Variants in QPRT observed in about 807,000 individuals in gnomAD.
QPRT encodes the protein nicotinate-nucleotide pyrophosphorylase [carboxylating].
In QPRT, 17 loss-of-function variants were observed where a neutral mutation model predicts 19.8. The observed-to-expected ratio is 0.86, with a 90% confidence interval of 0.59 to 1.29. QPRT has a LOEUF of 1.29. Ranked by LOEUF, QPRT falls within the 50% of genes most tolerant of loss-of-function variation. The probability of loss-of-function intolerance (pLI) is 0.00; values close to 1 mark genes in which losing one functional copy is unlikely to be tolerated. For synonymous variants in QPRT, 178 were observed against 191.0 expected (o/e 0.93, Z 0.56); for missense variants, 336 against 405.1 (o/e 0.83, Z 1.46).
intron 1 of QPRT, among the ~76,000 whole-genome samples, chr16:29,686,092 T>C (rs1227732892): frequency 6.6e-6 from 1 of 152,100 alleles, no homozygotes; most frequent in African/African-American, 2.4e-5. Context: ...ACTCCTGACC[T>C]CAGGTGATCG....
At chr16:29,684,559 G>T (rs903083131) in intron 1 of QPRT, among the ~76,000 whole-genome samples, 1 of 152,104 alleles carries the variant, frequency 6.6e-6, no homozygotes. Context: ...GTTTTCACCA[G>T]GATGGTCTTG....
At chr16:29,694,576 A>C in intron 1 of QPRT, 88 bp from the exon 2 acceptor site, 1 of 1,282,912 alleles carries the variant, frequency 7.8e-7, no homozygotes, top group Non-Finnish European at 1.0e-6. Flanking sequence ...GCCAGTTCCC[A>C]GTTTCACTGG....
chr16:29,695,023 G>A lies in QPRT; in HGVS notation c.373G>A (p.Ala125Thr), dbSNP rs779987312. 9.3e-6 allele frequency: 15 copies of A among 1,604,406 alleles called. No individual in the cohort carries two copies. The highest frequency in any genetic ancestry group is 8.4e-5 in the Admixed American group (5 of 59,684). ...TGCTGCCGCCGCTGCAGTGGAGGCC[G>A]CCAGGGGGGCCGGCTGGACTGGGCA... Reference protein sequence around the residue: ...ASAAAAAVEAARGAGWTGHVA... With the variant: ...ASAAAAAVEATRGAGWTGHVA... The change falls in exon 2 of 4, where the codon GCC becomes ACC. Residue 125 changes from alanine (A) to threonine (T), a missense_variant. Ala to Thr is a moderately conservative substitution (Grantham distance 58). Coordinates refer to ENST00000395384, the MANE Select transcript of QPRT (RefSeq NM_014298.6).
At position 29,695,026 on chromosome 16, in the gene QPRT, A is replaced by G. The variant is rs1233318284; in HGVS notation, c.376A>G (p.Arg126Gly). ...SAAAAAVEAA[R>G]GAGWTGHVAG... ...TGCCGCCGCTGCAGTGGAGGCCGCC[A>G]GGGGGGCCGGCTGGACTGGGCACGT... The change falls in exon 2 of 4, where the codon AGG (arginine) becomes GGG (glycine). Residue 126 changes from arginine (R) to glycine (G), a missense_variant. Physicochemically the swap from Arg to Gly is moderately radical, Grantham distance 125. Transcript: ENST00000395384. The G allele has an allele frequency of 1.9e-6, 3 of 1,604,870 alleles. No homozygotes were observed. Among genetic ancestry groups the G allele is most frequent in the Non-Finnish European group, 2.5e-6 (3 of 1,179,140 alleles).
chr16:29,681,687 G>C (rs1390992049), intron 1 of QPRT, among the ~76,000 whole-genome samples: 2 of 149,358 alleles, frequency 1.3e-5, no homozygotes, highest in Non-Finnish European at 3.0e-5. Context: ...AGTAGAGATG[G>C]GGTGTCACCA....
rs373172572 is a variant in QPRT, at chr16:29,683,085, C to T, written c.13+3875C>T. On this transcript the variant is annotated intron_variant, in intron 1 of 3. Coordinates refer to ENST00000395384, the MANE Select transcript of QPRT (RefSeq NM_014298.6). ...TGTTGCCCAGGCTGGAGTGCAGTGG[C>T]GCAACCTCGGCTCACTGCAACCTCC... Among the ~76,000 whole-genome samples the T allele has an allele frequency of 2.0e-4, 30 of 148,848 alleles. No individual in the cohort carries two copies. In the East Asian group the frequency reaches 4.6e-3, roughly 23 times the overall value.
chr16:29,684,905 C>T (rs973119438), intron 1 of QPRT, among the ~76,000 whole-genome samples: 3 of 152,120 alleles, frequency 2.0e-5, no homozygotes, highest in African/African-American at 4.8e-5. Context: ...GGGGTGCCCG[C>T]GGCTGGCACG....
chr16:29,685,279 C>T (rs950491538), intron 1 of QPRT, among the ~76,000 whole-genome samples: 1 of 151,974 alleles, frequency 6.6e-6, no homozygotes, highest in Admixed American at 6.6e-5. Flanking sequence ...AAGAACCAGC[C>T]TGACCAACAT....
chr16:29,680,310 A>G (rs372115702), intron 1 of QPRT, among the ~76,000 whole-genome samples: 2 of 152,130 alleles, frequency 1.3e-5, no homozygotes, highest in Non-Finnish European at 2.9e-5. Flanking sequence ...GGGTTTTACA[A>G]GGAGCCAGGA....
intron 1 of QPRT, among the ~76,000 whole-genome samples, chr16:29,679,556 C>A (rs1596782525): frequency 1.3e-5 from 2 of 151,990 alleles, no homozygotes; most frequent in South Asian, 4.2e-4. Flanking sequence ...GACTTCTGCT[C>A]TCGCTGGTAG....
At chr16:29,685,765 C>T (rs1047417347) in intron 1 of QPRT, among the ~76,000 whole-genome samples, 4 of 151,948 alleles carry the variant, frequency 2.6e-5, no homozygotes, top group Admixed American at 6.6e-5. Context: ...TTTGGGAGGC[C>T]GAGGTGGGAG....
At chr16:29,689,142 T>A (rs1169280080) in intron 1 of QPRT, among the ~76,000 whole-genome samples, 1 of 150,958 alleles carries the variant, frequency 6.6e-6, no homozygotes, top group East Asian at 1.9e-4. Flanking sequence ...TCACCCAGGA[T>A]GGATTGCAAT....
At chr16:29,682,550 T>C (rs976457660) in intron 1 of QPRT, among the ~76,000 whole-genome samples, 1 of 146,590 alleles carries the variant, frequency 6.8e-6, no homozygotes, top group Non-Finnish European at 1.5e-5. Flanking sequence ...TTTTTTTGCA[T>C]TTTTTTTTTT....
chr16:29,685,991 G>C (rs1164514532), intron 1 of QPRT, among the ~76,000 whole-genome samples: 2 of 152,126 alleles, frequency 1.3e-5, no homozygotes, highest in African/African-American at 4.8e-5. Flanking sequence ...CTCCTGAGTA[G>C]TTGGGATTAC....
At position 29,679,204 on chromosome 16, in the gene QPRT, G is replaced by A. The variant is rs370631780; in HGVS notation, c.7G>A (p.Ala3Thr). The change falls in exon 1 of 4, where the codon GCT becomes ACT. Residue 3 changes from alanine (A) to threonine (T), a missense_variant. Ala to Thr is a moderately conservative substitution (Grantham distance 58). Transcript: ENST00000395384. MD[A>T]EGLALLLPPV... Reference sequence around the variant, plus strand: ...CAGACAGCTGCAAGTCACCATGGACGCTGAAGGTAAAGGGACACTCTCTCT... The same window carrying A: ...CAGACAGCTGCAAGTCACCATGGACACTGAAGGTAAAGGGACACTCTCTCT... 19 of 1,611,836 alleles carry A rather than the reference G, an allele frequency of 1.2e-5. No homozygotes were observed. The highest frequency in any genetic ancestry group is 8.8e-5 in the South Asian group (8 of 90,956).
In QPRT at chr16:29,697,319, T is replaced by G. The variant is rs1419789936; in HGVS notation, c.802T>G (p.Ser268Ala). The G allele has an allele frequency of 6.2e-7, 1 of 1,614,018 alleles. No individual in the cohort carries two copies. The highest frequency in any genetic ancestry group is 2.2e-5 in the East Asian group (1 of 44,894). The change falls in exon 4 of 4, where the codon TCC becomes GCC. Residue 268 changes from serine to alanine, a missense_variant. By Grantham distance (99) the Ser-to-Ala change is moderately conservative. Transcript: ENST00000395384. This position sits in a 1 kb window ranked among gnomAD's most constrained non-coding sequence, Gnocchi z 4.4. ...CTGCGGGCCGCACATAGACGTCATC[T>G]CCATGGGGATGCTGACCCAGGCGGC... ...QFCGPHIDVI[S>A]MGMLTQAAPA...
chr16:29,691,083 G>C (rs568741699), intron 1 of QPRT, among the ~76,000 whole-genome samples: 2 of 152,002 alleles, frequency 1.3e-5, no homozygotes, highest in South Asian at 4.2e-4. Context: ...AAATCAGTCT[G>C]GCCAGGCACG....
Position 29,694,498 on chromosome 16 carries a change from C to T in QPRT, c.14-166C>T, listed in dbSNP as rs1321926322. On this transcript the variant is annotated intron_variant, in intron 1 of 3. Coordinates refer to ENST00000395384, the MANE Select transcript of QPRT (RefSeq NM_014298.6). ...CCTCACCCTCGCCCCCACAACCTCC[C>T]TTCCCCCCACGCCCCCCTTCCTCAC... Among the ~76,000 whole-genome samples, 7 of 152,100 alleles carry T rather than the reference C, an allele frequency of 4.6e-5. No homozygotes were observed. The South Asian group carries it at 1.5e-3, about 32-fold the overall frequency.
chr16:29,681,755 ACT>A (rs1379682222), intron 1 of QPRT, among the ~76,000 whole-genome samples: 1 of 114,856 alleles, frequency 8.7e-6, no homozygotes, highest in African/African-American at 3.4e-5. Context: ...ATGGAGTCTG[ACT>A]CTGTCACCAG....
Sources: allele counts gnomAD v4.1 joint callset (sites outside exome capture counted in the v4.1 genomes callset), GRCh38; gene constraint gnomAD v4.1.1; non-coding constraint Gnocchi (gnomAD v3.1); transcripts MANE v1.5; gene names NCBI Gene and HGNC (gene_info 2026-07-23, HGNC 2026-07-21).